MYRIP: variants seen among roughly 807,000 people sequenced by gnomAD.
MYRIP encodes the protein rab effector MyRIP.
In MYRIP, 49 loss-of-function variants were observed where a neutral mutation model predicts 98.0. The observed-to-expected ratio is 0.50, with a 90% CI of 0.40 to 0.63. The LOEUF (loss-of-function observed/expected upper bound fraction) is 0.63. MYRIP is among the 30% of genes least tolerant of loss of function. The probability of loss-of-function intolerance (pLI) is 0.00; values close to 1 mark genes in which losing one functional copy is unlikely to be tolerated. For missense variants in MYRIP, 1,004 were observed against 1,058.2 expected, an observed-to-expected ratio of 0.95 and a Z score of 0.71; for synonymous variants, 404 against 409.5, an observed-to-expected ratio of 0.99 and a Z score of 0.16.
At chr3:39,816,699 C>A (rs1940927498) in intron 1 of MYRIP, among the ~76,000 whole-genome samples, 1 of 152,008 alleles carries the variant, frequency 6.6e-6, no homozygotes, top group Non-Finnish European at 1.5e-5. Flanking sequence ...TTTGACTTGG[C>A]AATTGAAATT....
chr3:40,095,135 A>C (rs1306813153), intron 3 of MYRIP, among the ~76,000 whole-genome samples: 1 of 152,022 alleles, frequency 6.6e-6, no homozygotes, highest in Non-Finnish European at 1.5e-5. Context: ...AGGCAGGGGG[A>C]CACTTTTACC....
At chr3:40,042,482 A>C (rs1271946593) in intron 2 of MYRIP, among the ~76,000 whole-genome samples, 2 of 152,174 alleles carry the variant, frequency 1.3e-5, no homozygotes, top group African/African-American at 4.8e-5. Context: ...CACCATAAAC[A>C]TAAAAAGACA....
intron 3 of MYRIP, among the ~76,000 whole-genome samples, chr3:40,101,579 CT>C (rs1377331402): frequency 6.6e-6 from 1 of 151,386 alleles, no homozygotes; most frequent in Admixed American, 6.6e-5. Context: ...CTCTAGTTTT[CT>C]TTTTTCTTCT....
chr3:39,865,314 A>G (rs1942587442), intron 1 of MYRIP, among the ~76,000 whole-genome samples: 1 of 152,210 alleles, frequency 6.6e-6, no homozygotes, highest in African/African-American at 2.4e-5. Context: ...GGACCTAATT[A>G]TACTAAAGAG....
chr3:40,231,365 G>A (rs1373237772), intron 11 of MYRIP, among the ~76,000 whole-genome samples: 1 of 152,194 alleles, frequency 6.6e-6, no homozygotes, highest in Non-Finnish European at 1.5e-5. Context: ...CATCCCTCTT[G>A]TTCACTGCTT....
At position 39,956,779 on chromosome 3, in the gene MYRIP, T is replaced by C. The variant is rs1434069366; in HGVS notation, c.110+55853T>C. Among the ~76,000 whole-genome samples, 3 of 151,670 alleles carry C rather than the reference T, an allele frequency of 2.0e-5. No homozygotes were observed. The East Asian group carries it at 5.8e-4, about 29-fold the overall frequency. ...AAGATCAACAAAATTGATAGACCGC[T>C]AGCAAGACTAAGAAAGAAGAAAAGA... On this transcript the variant is annotated intron_variant, in intron 2 of 16. Transcript: ENST00000302541.
chr3:39,997,547 T>C (rs1359782234), intron 2 of MYRIP, among the ~76,000 whole-genome samples: 1 of 152,028 alleles, frequency 6.6e-6, no homozygotes, highest in African/African-American at 2.4e-5. Flanking sequence ...AATTAATAGC[T>C]TACCAACCAA....
chr3:39,885,127 CT>C (rs1943256565), intron 1 of MYRIP, among the ~76,000 whole-genome samples: 1 of 151,782 alleles, frequency 6.6e-6, no homozygotes. Context: ...CTGCACTTAT[CT>C]TTTTATATAT....
chr3:40,208,332 A>G (rs751413159), intron 10 of MYRIP, among the ~76,000 whole-genome samples: 1 of 152,230 alleles, frequency 6.6e-6, no homozygotes, highest in East Asian at 1.9e-4. Context: ...CAAACCGTAC[A>G]AATACATAAA....
chr3:40,162,715 C>T lies in MYRIP; in HGVS notation c.470-15C>T. 1 of 1,612,130 alleles carries T rather than the reference C, an allele frequency of 6.2e-7. No homozygotes were observed. The highest frequency in any genetic ancestry group is 1.3e-5 in the African/African-American group (1 of 74,996). On this transcript the variant is annotated splice_polypyrimidine_tract_variant and intron_variant, in intron 4 of 16. Transcript: ENST00000302541. ...TAATCATATTCATTCTCTTCTCCCA[C>T]CCCTACCCTGCCAGGAGGAAGCCTT...
intron 2 of MYRIP, among the ~76,000 whole-genome samples, chr3:39,935,190 A>G (rs1164614369): frequency 6.6e-6 from 1 of 152,154 alleles, no homozygotes; most frequent in Non-Finnish European, 1.5e-5. Context: ...ATGTGCTTCT[A>G]CAGGGTTCAG....
intron 5 of MYRIP, chr3:40,163,024 G>T: frequency 4.3e-6 from 2 of 463,838 alleles, no homozygotes; most frequent in East Asian, 3.5e-5. Context: ...CAAGAGAACA[G>T]CATTCGTTAC....
At chr3:40,131,574 TCTTC>T (rs1384749860) in intron 3 of MYRIP, among the ~76,000 whole-genome samples, 3 of 152,198 alleles carry the variant, frequency 2.0e-5, no homozygotes, top group Non-Finnish European at 4.4e-5. Flanking sequence ...GGGGATATGA[TCTTC>T]CTTCCTCTTA....
intron 10 of MYRIP, among the ~76,000 whole-genome samples, chr3:40,206,031 C>A (rs1377829566): frequency 6.6e-6 from 1 of 152,078 alleles, no homozygotes; most frequent in Non-Finnish European, 1.5e-5. Flanking sequence ...CTGTGAAAAT[C>A]TAATGAAAAC....
At chr3:39,898,253 T>G (rs1258509938) in intron 1 of MYRIP, among the ~76,000 whole-genome samples, 1 of 152,122 alleles carries the variant, frequency 6.6e-6, no homozygotes, top group Non-Finnish European at 1.5e-5. Context: ...AGAAATAGCA[T>G]TAATGGAGTG....
intron 2 of MYRIP, among the ~76,000 whole-genome samples, chr3:40,001,733 G>A (rs1272132046): frequency 6.6e-6 from 1 of 152,194 alleles, no homozygotes; most frequent in African/African-American, 2.4e-5. Context: ...CATTCTGGAT[G>A]TCCCTGTGAC....
chr3:40,097,590 T>C (rs1948857296), intron 3 of MYRIP, among the ~76,000 whole-genome samples: 1 of 151,792 alleles, frequency 6.6e-6, no homozygotes, highest in Admixed American at 6.6e-5. Flanking sequence ...CGATGGGTAA[T>C]GTTAAAATAA....
chr3:39,826,069 T>C (rs1161074217), intron 1 of MYRIP, among the ~76,000 whole-genome samples: 2 of 152,044 alleles, frequency 1.3e-5, no homozygotes, highest in African/African-American at 2.4e-5. Flanking sequence ...CCTTCTCTCT[T>C]TTTTTCTTAG....
chr3:40,239,027 AG>A (rs1293271423), intron 12 of MYRIP, among the ~76,000 whole-genome samples: 1 of 150,710 alleles, frequency 6.6e-6, no homozygotes. Flanking sequence ...ATCTAGCATT[AG>A]GTATATCTCC....
Sources: gnomAD v4.1 joint callset for allele counts (sites outside exome capture counted in the v4.1 genomes callset) on GRCh38, gnomAD v4.1.1 for gene constraint, MANE v1.5 for transcripts, NCBI Gene and HGNC (gene_info 2026-07-23, HGNC 2026-07-21) for gene names.